The following FBXL17 variants were observed in gnomAD, a reference collection of about 807,000 sequenced individuals.
FBXL17 encodes the protein F-box/LRR-repeat protein 17.
A neutral mutation model predicts 66.2 loss-of-function variants in FBXL17; 22 were observed. The observed-to-expected ratio is 0.33, with a 90% CI of 0.24 to 0.47. The LOEUF is 0.47. FBXL17 is among the 20% of genes least tolerant of loss of function. FBXL17 has a pLI of 1.00. For missense variants in FBXL17, 878 were observed against 948.2 expected, an observed-to-expected ratio of 0.93 and a Z score of 0.97; for synonymous variants, 474 against 400.5, an observed-to-expected ratio of 1.18 and a Z score of -2.19.
intron 8 of FBXL17, among the ~76,000 whole-genome samples, chr5:107,862,816 A>T (rs1179578526): frequency 6.6e-6 from 1 of 151,802 alleles, no homozygotes; most frequent in Non-Finnish European, 1.5e-5. Flanking sequence ...CTGAAACAAC[A>T]TCAAACCCTT....
intron 4 of FBXL17, among the ~76,000 whole-genome samples, chr5:108,308,077 C>T (rs192942564): frequency 1.4e-4 from 21 of 152,116 alleles, no homozygotes; most frequent in Admixed American, 4.6e-4. Context: ...AATAGAAACA[C>T]GACCTTGTCC....
At chr5:108,242,361 G>A (rs1188911128) in intron 4 of FBXL17, among the ~76,000 whole-genome samples, 6 of 136,462 alleles carry the variant, frequency 4.4e-5, no homozygotes, top group African/African-American at 2.1e-4. Context: ...TGTTGTTGTT[G>A]TTGTTGTTGT....
chr5:108,298,097 T>C (rs1219995669), intron 4 of FBXL17: 1 of 964,228 alleles, frequency 1.0e-6, no homozygotes, highest in African/African-American at 1.8e-5. Context: ...AGGGCTTATA[T>C]TATACAATTT....
At position 108,364,765 on chromosome 5, in the gene FBXL17, G is replaced by C; in HGVS notation, c.1347C>G (p.Asp449Glu). 1 of 1,612,436 alleles carries C rather than the reference G, an allele frequency of 6.2e-7. No homozygotes were observed. Among genetic ancestry groups the C allele is most frequent in the Non-Finnish European group, 8.5e-7 (1 of 1,178,926 alleles). Residue 449 changes from aspartate (D) to glutamate (E), a missense_variant, in exon 3 of 9, where the codon GAC becomes GAG. Physicochemically the swap from Asp to Glu is conservative, Grantham distance 45. Coordinates refer to ENST00000542267, the MANE Select transcript of FBXL17 (RefSeq NM_001163315.3). ...GCTTGAGTCCTTCATCAGTGAGTTTGTCCTGGTTGCCTACATGCACTTTCT... is the reference window on the plus strand; with the variant it reads ...GCTTGAGTCCTTCATCAGTGAGTTTCTCCTGGTTGCCTACATGCACTTTCT... ...LLQKVHVGNQ[D>E]KLTDEGLKQL... is the part of the protein sequence containing the mutation.
At chr5:107,933,969 C>T (rs1326698967) in intron 7 of FBXL17, among the ~76,000 whole-genome samples, 3 of 152,056 alleles carry the variant, frequency 2.0e-5, no homozygotes, top group African/African-American at 4.8e-5. Context: ...CATTGTGGCT[C>T]CTTTTGAGTA....
At chr5:108,290,791 G>A (rs1026681380) in intron 4 of FBXL17, among the ~76,000 whole-genome samples, 1 of 152,006 alleles carries the variant, frequency 6.6e-6, no homozygotes, top group Non-Finnish European at 1.5e-5. Context: ...GTATTTTGGG[G>A]GTTGTTATTG....
chr5:108,206,242 C>A (rs1414000872), intron 5 of FBXL17, among the ~76,000 whole-genome samples: 1 of 152,036 alleles, frequency 6.6e-6, no homozygotes, highest in Non-Finnish European at 1.5e-5. Context: ...TATGTGTTTA[C>A]TTTTTTGTAA....
intron 4 of FBXL17, among the ~76,000 whole-genome samples, chr5:108,256,360 TTTTA>T (rs1363047896): frequency 1.3e-5 from 2 of 152,206 alleles, no homozygotes; most frequent in Non-Finnish European, 1.5e-5. Context: ...AAGTTTATTT[TTTTA>T]TTTATTTCAT....
intron 3 of FBXL17, among the ~76,000 whole-genome samples, chr5:108,363,881 TTTC>T (rs1354303733): frequency 6.6e-6 from 1 of 152,032 alleles, no homozygotes; most frequent in Non-Finnish European, 1.5e-5. Flanking sequence ...AAAATATATA[TTTC>T]TTCATAAAAG....
chr5:107,990,378 G>A (rs1021183982), intron 7 of FBXL17, among the ~76,000 whole-genome samples: 1 of 152,110 alleles, frequency 6.6e-6, no homozygotes, highest in African/African-American at 2.4e-5. Flanking sequence ...CATTAGCTTT[G>A]GGGTAAAAGA....
At chr5:108,216,909 G>A (rs896124083) in intron 5 of FBXL17, among the ~76,000 whole-genome samples, 10 of 152,180 alleles carry the variant, frequency 6.6e-5, no homozygotes, top group Non-Finnish European at 1.2e-4. Flanking sequence ...AAGGGAACAA[G>A]GCCAGGCACA....
chr5:108,303,627 G>C (rs954554528), intron 4 of FBXL17, among the ~76,000 whole-genome samples: 4 of 151,844 alleles, frequency 2.6e-5, no homozygotes, highest in Non-Finnish European at 4.4e-5. Flanking sequence ...TTTTAAAGTG[G>C]AAGTATTTTA....
At chr5:108,101,706 G>A (rs147873034) in intron 6 of FBXL17, among the ~76,000 whole-genome samples, 9 of 152,092 alleles carry the variant, frequency 5.9e-5, no homozygotes, top group African/African-American at 9.7e-5. Context: ...CTTCTCCCAC[G>A]CTTCTCAATA....
chr5:107,974,408 C>T (rs1219098148), intron 7 of FBXL17, among the ~76,000 whole-genome samples: 1 of 151,878 alleles, frequency 6.6e-6, no homozygotes, highest in Non-Finnish European at 1.5e-5. Context: ...AAGAGTAAGG[C>T]AATTATGTCT....
At chr5:107,989,297 C>A (rs539777370) in intron 7 of FBXL17, among the ~76,000 whole-genome samples, 2 of 152,042 alleles carry the variant, frequency 1.3e-5, no homozygotes, top group Non-Finnish European at 2.9e-5. Context: ...CTCCCTACCC[C>A]CTTCCCAGTC....
chr5:108,266,522 G>A (rs1757052545), intron 4 of FBXL17, among the ~76,000 whole-genome samples: 1 of 152,080 alleles, frequency 6.6e-6, no homozygotes, highest in African/African-American at 2.4e-5. Flanking sequence ...TTATGTTGAA[G>A]TAACTCTTTC....
chr5:108,162,215 G>A (rs1412812107), intron 6 of FBXL17, among the ~76,000 whole-genome samples: 1 of 152,124 alleles, frequency 6.6e-6, no homozygotes, highest in Non-Finnish European at 1.5e-5. Flanking sequence ...ATAAACACCT[G>A]GGGCTGGGTG....
intron 7 of FBXL17, among the ~76,000 whole-genome samples, chr5:107,923,677 T>G (rs1750399036): frequency 6.6e-6 from 1 of 152,092 alleles, no homozygotes; most frequent in Non-Finnish European, 1.5e-5. Flanking sequence ...CTAGAAAGGG[T>G]CAATATTGTT....
chr5:108,296,077 T>C (rs1325653248), intron 4 of FBXL17, among the ~76,000 whole-genome samples: 1 of 151,502 alleles, frequency 6.6e-6, no homozygotes, highest in Non-Finnish European at 1.5e-5. Context: ...ATAAGCTCTC[T>C]GGAATAGATG....
Sources: gnomAD v4.1 joint callset for allele counts (sites outside exome capture counted in the v4.1 genomes callset) on GRCh38, gnomAD v4.1.1 for gene constraint, MANE v1.5 for transcripts, NCBI Gene and HGNC (gene_info 2026-07-23, HGNC 2026-07-21) for gene names.